CCDC85C: variants seen among roughly 807,000 people sequenced by gnomAD.
CCDC85C encodes coiled-coil domain-containing protein 85C.
Under a neutral mutation model 38.3 loss-of-function variants are expected in CCDC85C, and 18 were observed. The observed-to-expected ratio is 0.47, with a 90% CI of 0.33 to 0.70. The LOEUF (loss-of-function observed/expected upper bound fraction) is 0.70. Ranked by LOEUF, CCDC85C falls within the 30% of genes least tolerant of loss-of-function variation. The pLI, the probability that CCDC85C is intolerant of heterozygous loss-of-function variation, is 0.03. For synonymous variants in CCDC85C, 264 were observed against 293.8 expected, an observed-to-expected ratio of 0.90 and a Z score of 1.04; for missense variants, 566 against 621.2, an observed-to-expected ratio of 0.91 and a Z score of 0.94.
chr14:99,527,539 G>A (rs537002490), intron 2 of CCDC85C, among the ~76,000 whole-genome samples: 126 of 152,288 alleles, frequency 8.3e-4, no homozygotes, highest in African/African-American at 2.8e-3. Flanking sequence ...CACGGGTCTC[G>A]AGGCTGGGCA....
rs956109114 is a variant in CCDC85C at position 99,504,778 on chromosome 14, A to G, written c.*10468T>C. 3.3e-5 allele frequency: 5 copies of G among 152,182 alleles called. No individual in the cohort carries two copies. The highest frequency in any genetic ancestry group is 7.3e-5 in the Non-Finnish European group (5 of 68,034). The allele number at this position is 152,182 out of a possible 1,614,324, so 9.4% of individuals were successfully genotyped here. A position where few individuals can be genotyped will look rare whatever the true frequency, so the allele number is the denominator to read the frequency against. ...AGGTGAATTTTTTAATTAGCTTCAAATTGACCGACATTAAATGTTAGACAC... is the reference window on the plus strand; with the variant it reads ...AGGTGAATTTTTTAATTAGCTTCAAGTTGACCGACATTAAATGTTAGACAC... On this transcript the variant is annotated 3_prime_UTR_variant, in exon 6 of 6. Transcript: ENST00000380243.
At chr14:99,583,113 C>G (rs1318365010) in intron 1 of CCDC85C, 2 of 151,898 alleles carry the variant, frequency 1.3e-5, no homozygotes, top group African/African-American at 4.8e-5. Flanking sequence ...ACTTGACTAG[C>G]CTTTTAAAAT....
intron 1 of CCDC85C, among the ~76,000 whole-genome samples, chr14:99,555,900 CT>C (rs1339584896): frequency 6.6e-6 from 1 of 152,248 alleles, no homozygotes; most frequent in African/African-American, 2.4e-5. Flanking sequence ...TCAGGTTCCC[CT>C]GATCAGACAC....
chr14:99,507,154 A>G lies in CCDC85C; in HGVS notation c.*8092T>C. ...CCAGCCCACCCACCTCCAGGTAAGCATCTGCTGAAGCAGCTTGGCCAGCTG... is the reference window on the plus strand; with the variant it reads ...CCAGCCCACCCACCTCCAGGTAAGCGTCTGCTGAAGCAGCTTGGCCAGCTG... On this transcript the variant is annotated 3_prime_UTR_variant, in exon 6 of 6. Transcript: ENST00000380243. The G allele has an allele frequency of 6.3e-7, 1 of 1,575,968 alleles. No individual in the cohort carries two copies. Among genetic ancestry groups the G allele is most frequent in the Non-Finnish European group, 8.7e-7 (1 of 1,145,454 alleles).
rs546482412 is a variant in CCDC85C, at chr14:99,567,896, G to A, written c.794-31808C>T. ...TTTCCAGCTTGCCACCTTGGGGCTG[G>A]GGACCTGGATCACACAGGGTGCTAC... is the stretch of plus-strand genomic sequence containing the variant. On this transcript the variant is annotated intron_variant, in intron 1 of 5. Transcript: ENST00000380243. 1.1e-3 allele frequency among the ~76,000 whole-genome samples: 165 copies of A among 152,200 alleles called. 1 individual carries two copies. Among genetic ancestry groups the A allele is most frequent in the Middle Eastern group, 3.2e-3 (1 of 316 alleles).
At chr14:99,597,618 C>T (rs2055156808) in intron 1 of CCDC85C, among the ~76,000 whole-genome samples, 1 of 152,190 alleles carries the variant, frequency 6.6e-6, no homozygotes, top group Non-Finnish European at 1.5e-5. Flanking sequence ...GGGGTCTGCC[C>T]TGTGGGGCTG....
chr14:99,560,251 G>A (rs985345783), intron 1 of CCDC85C, among the ~76,000 whole-genome samples: 4 of 152,200 alleles, frequency 2.6e-5, no homozygotes, highest in African/African-American at 9.6e-5. Flanking sequence ...CATGCCTGCG[G>A]GCACCAACGC....
chr14:99,521,140 C>T (rs898465356), intron 3 of CCDC85C, among the ~76,000 whole-genome samples: 1 of 152,248 alleles, frequency 6.6e-6, no homozygotes. Flanking sequence ...ATGAGAGGCA[C>T]GGGGCATGAA....
Position 99,587,859 on chromosome 14 carries a change from G to A in CCDC85C, c.793+15308C>T, listed in dbSNP as rs534616040. 1.4e-4 allele frequency among the ~76,000 whole-genome samples: 22 copies of A among 152,274 alleles called. No individual in the cohort carries two copies. In the East Asian group the frequency reaches 3.5e-3, roughly 24 times the overall value. On this transcript the variant is annotated intron_variant, in intron 1 of 5. Transcript: ENST00000380243. ...GTGCAGCAGGCAGGGGGCCATTCTAGCCTGGAGCCCCCACATCACAGCCAG... is the reference window on the plus strand; with the variant it reads ...GTGCAGCAGGCAGGGGGCCATTCTAACCTGGAGCCCCCACATCACAGCCAG...
rs1318127985 is a variant in CCDC85C at position 99,588,080 on chromosome 14, T to TG, written c.793+15086dup. On this transcript the variant is annotated intron_variant, in intron 1 of 5. Transcript: ENST00000380243. This position sits in a 1 kb window ranked among gnomAD's most constrained non-coding sequence, Gnocchi z 5.0. ...CACCCCCAGGCCTGCACAGGCCTCCTGGGCCGGATTCCCCACTGGGTCTGT... is the reference window on the plus strand; with the variant it reads ...CACCCCCAGGCCTGCACAGGCCTCCTGGGGCCGGATTCCCCACTGGGTCTGT... Among the ~76,000 whole-genome samples the TG allele has an allele frequency of 6.6e-5, 10 of 152,244 alleles. No individual in the cohort carries two copies. Among genetic ancestry groups the TG allele is most frequent in the African/African-American group, 2.4e-4 (10 of 41,564 alleles).
intron 1 of CCDC85C, among the ~76,000 whole-genome samples, chr14:99,567,152 C>G (rs1898231447): frequency 6.6e-6 from 1 of 151,728 alleles, no homozygotes; most frequent in African/African-American, 2.4e-5. Flanking sequence ...CCTCCCGATT[C>G]TCATCTGCGC....
At chr14:99,577,037 G>A (rs1898492325) in intron 1 of CCDC85C, among the ~76,000 whole-genome samples, 1 of 151,984 alleles carries the variant, frequency 6.6e-6, no homozygotes, top group African/African-American at 2.4e-5. Context: ...GCTGGCTGGA[G>A]GCCTGGGGAG....
chr14:99,582,942 G>C (rs1177797780), intron 1 of CCDC85C: 1 of 152,098 alleles, frequency 6.6e-6, no homozygotes, highest in African/African-American at 2.4e-5. Flanking sequence ...AGTTAATAGG[G>C]GACACTGGGC....
intron 1 of CCDC85C, among the ~76,000 whole-genome samples, chr14:99,596,655 G>A (rs78212934): frequency 0.017 from 2,547 of 152,272 alleles, 42 homozygotes; most frequent in South Asian, 0.054. Context: ...TAGGGGAGGG[G>A]GACCATTTCT....
At chr14:99,522,306 A>G (rs1897314073) in intron 2 of CCDC85C, 66 bp from the exon 3 acceptor site, 1 of 1,244,868 alleles carries the variant, frequency 8.0e-7, no homozygotes, top group Non-Finnish European at 1.1e-6. Flanking sequence ...GGCCCTGGGC[A>G]TGGCTCCTCA....
intron 2 of CCDC85C, among the ~76,000 whole-genome samples, chr14:99,525,104 G>A (rs1897358511): frequency 6.6e-6 from 1 of 152,218 alleles, no homozygotes; most frequent in African/African-American, 2.4e-5. Flanking sequence ...GACCCAGGAG[G>A]TTGCAGGGCC....
Position 99,544,426 on chromosome 14 carries a change from G to C in CCDC85C, c.794-8338C>G, listed in dbSNP as rs1897768729. ...CTACTCCCCCAACAAAGAGACCGAG[G>C]TTCCGAGGGGCTCCATAACCACCCA... On this transcript the variant is annotated intron_variant, in intron 1 of 5. Transcript: ENST00000380243. This position sits in a 1 kb window ranked among gnomAD's most constrained non-coding sequence, Gnocchi z 5.3. 6.6e-6 allele frequency among the ~76,000 whole-genome samples: 1 copy of C among 152,130 alleles called. No homozygotes were observed. The highest frequency in any genetic ancestry group is 1.5e-5 in the Non-Finnish European group (1 of 68,020).
rs545898021 is a variant in CCDC85C, at chr14:99,501,608, G to A, written c.*13638C>T. ...GCAGAGGGTTTCCTTCTGCCCTGCC[G>A]TGTCATGGTGTTGTGAGGTGCTGAA... is the stretch of plus-strand genomic sequence containing the variant. On this transcript the variant is annotated 3_prime_UTR_variant, in exon 6 of 6. Coordinates refer to ENST00000380243, the MANE Select transcript of CCDC85C (RefSeq NM_001144995.2). 2.1e-4 allele frequency: 119 copies of A among 567,780 alleles called. No individual in the cohort carries two copies. Among genetic ancestry groups the A allele is most frequent in the African/African-American group, 9.7e-4 (51 of 52,832 alleles). The allele number at this position is 567,780 out of a possible 1,614,324, so 35.2% of individuals were successfully genotyped here. A position where few individuals can be genotyped will look rare whatever the true frequency, so the allele number is the denominator to read the frequency against.
chr14:99,503,689 G>T lies in CCDC85C; in HGVS notation c.*11557C>A. ...TTTTTTTAGTTTTATGTGTTTATAT[G>T]CAAAACTTTAAATTCTTAGCCAACA... On this transcript the variant is annotated 3_prime_UTR_variant, in exon 6 of 6. Coordinates refer to ENST00000380243, the MANE Select transcript of CCDC85C (RefSeq NM_001144995.2). 2 of 1,473,648 alleles carry T rather than the reference G, an allele frequency of 1.4e-6. No individual in the cohort carries two copies. Among genetic ancestry groups the T allele is most frequent in the Non-Finnish European group, 1.8e-6 (2 of 1,082,706 alleles). The allele number at this position is 1,473,648 out of a possible 1,614,324, so 91.3% of individuals were successfully genotyped here. A position where few individuals can be genotyped will look rare whatever the true frequency, so the allele number is the denominator to read the frequency against.
Sources: allele counts gnomAD v4.1 joint callset (sites outside exome capture counted in the v4.1 genomes callset), GRCh38; gene constraint gnomAD v4.1.1; non-coding constraint Gnocchi (gnomAD v3.1); transcripts MANE v1.5; gene names NCBI Gene and HGNC (gene_info 2026-07-23, HGNC 2026-07-21).